The following PLA2G4E variants were observed in gnomAD, a reference collection of about 807,000 sequenced individuals.
PLA2G4E encodes the protein cytosolic phospholipase A2 epsilon.
A neutral mutation model predicts 109.1 loss-of-function variants in PLA2G4E; 84 were observed. The ratio of observed to expected loss-of-function variants is 0.77; its 90% CI spans 0.65 to 0.92. The LOEUF (loss-of-function observed/expected upper bound fraction) is 0.92, where lower values mean the gene tolerates loss of function less well. PLA2G4E is among the 40% of genes least tolerant of loss of function. The pLI, the probability that PLA2G4E is intolerant of heterozygous loss-of-function variation, is 0.00. For synonymous variants in PLA2G4E, 469 were observed against 436.1 expected (o/e 1.08, Z -0.94); for missense variants, 1,057 against 1,076.6 (o/e 0.98, Z 0.25).
In PLA2G4E at chr15:41,984,418, A is replaced by G. The variant is rs551456441; in HGVS notation, c.2386+18T>C. On this transcript the variant is annotated intron_variant, in intron 19 of 19. Transcript: ENST00000399518. ...CAAGGGCAGCAGGTGCTGGGAACTG[A>G]GCACAGAGGCAGCTCACCTGGTGCC... 1.2e-6 allele frequency: 2 copies of G among 1,602,792 alleles called. No homozygotes were observed. The highest frequency in any genetic ancestry group is 1.7e-5 in the Admixed American group (1 of 59,612).
chr15:41,989,496 G>T, exon 15 of PLA2G4E: 1 of 1,613,916 alleles, frequency 6.2e-7, no homozygotes, highest in Non-Finnish European at 8.5e-7. Flanking sequence ...AGCTCGGAGG[G>T]GATGAAGGCC....
At chr15:41,993,021 C>G in intron 12 of PLA2G4E, 62 bp from the exon 13 acceptor site, 1 of 1,448,226 alleles carries the variant, frequency 6.9e-7, no homozygotes, top group Non-Finnish European at 9.4e-7. Flanking sequence ...AGTCCTGGAC[C>G]CGGGCAGGAG....
At chr15:41,990,275 A>G in intron 13 of PLA2G4E, 40 bp from the exon 14 acceptor site, 1 of 1,573,320 alleles carries the variant, frequency 6.4e-7, no homozygotes, top group Non-Finnish European at 8.7e-7. Flanking sequence ...GCAGCAGCCC[A>G]GAGGGTGAGG....
At chr15:42,001,678 T>C (rs1413464139) in intron 6 of PLA2G4E, among the ~76,000 whole-genome samples, 1 of 152,172 alleles carries the variant, frequency 6.6e-6, no homozygotes, top group African/African-American at 2.4e-5. Flanking sequence ...AAAATAGCTG[T>C]ACCAACAGCC....
intron 1 of PLA2G4E, among the ~76,000 whole-genome samples, chr15:42,046,226 T>C (rs540242793): frequency 2.0e-5 from 3 of 152,330 alleles, no homozygotes; most frequent in Admixed American, 6.5e-5. Flanking sequence ...GACAAAGTGA[T>C]GCAGGTAAAA....
Position 41,997,287 on chromosome 15 carries a change from G to A in PLA2G4E, c.975-28C>T, listed in dbSNP as rs574880508. ...GGAGGGAGAGAGGACCCTGTATTGG[G>A]CCTGCAGCCTCTACCTCCCTGGAGT... On this transcript the variant is annotated intron_variant, in intron 10 of 19. Coordinates refer to ENST00000399518, the Ensembl canonical transcript of PLA2G4E. 171 of 1,515,084 alleles carry A rather than the reference G, an allele frequency of 1.1e-4. No individual in the cohort carries two copies. The African/African-American group carries it at 2.0e-3, about 18-fold the overall frequency. The allele number at this position is 1,515,084 out of a possible 1,614,324, so 93.9% of individuals were successfully genotyped here.
At chr15:42,016,313 G>C (rs867414298) in intron 1 of PLA2G4E, among the ~76,000 whole-genome samples, 1 of 144,578 alleles carries the variant, frequency 6.9e-6, no homozygotes, top group South Asian at 2.2e-4. Flanking sequence ...TTTGATGCTG[G>C]TCCTTTCAGA....
chr15:42,002,625 G>T, intron 6 of PLA2G4E, 29 bp downstream of exon 6: 1 of 1,569,364 alleles, frequency 6.4e-7, no homozygotes. Flanking sequence ...GTGGCCTCTG[G>T]AGCTACAGGA....
chr15:41,997,278 C>A lies in PLA2G4E; in HGVS notation c.975-19G>T, dbSNP rs538320435. ...CTCAGGGCTGGAGGGAGAGAGGACC[C>A]TGTATTGGGCCTGCAGCCTCTACCT... is the stretch of plus-strand genomic sequence containing the variant. On this transcript the variant is annotated intron_variant, in intron 10 of 19. Coordinates refer to ENST00000399518, the Ensembl canonical transcript of PLA2G4E. 1.1e-4 allele frequency: 169 copies of A among 1,529,954 alleles called. No homozygotes were observed. In the African/African-American group the frequency reaches 2.0e-3, roughly 18 times the overall value. The allele number at this position is 1,529,954 out of a possible 1,614,324, so 94.8% of individuals were successfully genotyped here. A position where few individuals can be genotyped will look rare whatever the true frequency, so the allele number is the denominator to read the frequency against.
chr15:41,995,390 C>A (rs1266624371), exon 12 of PLA2G4E: 1 of 1,613,664 alleles, frequency 6.2e-7, no homozygotes, highest in Non-Finnish European at 8.5e-7. Context: ...GGTGATGTAG[C>A]TGGCACAGTC....
intron 12 of PLA2G4E, among the ~76,000 whole-genome samples, chr15:41,994,307 G>GA (rs202177407): frequency 6.6e-6 from 1 of 151,846 alleles, no homozygotes; most frequent in Non-Finnish European, 1.5e-5. Context: ...GCCCCCCGGG[G>GA]GGGTGTGTGG....
intron 1 of PLA2G4E, among the ~76,000 whole-genome samples, chr15:42,047,069 A>T (rs1889429108): frequency 6.6e-6 from 1 of 152,220 alleles, no homozygotes; most frequent in Non-Finnish European, 1.5e-5. Context: ...TGAGTGTCTC[A>T]GTCCATTTTA....
chr15:42,040,232 C>T (rs1354838218), intron 1 of PLA2G4E, among the ~76,000 whole-genome samples: 2 of 151,996 alleles, frequency 1.3e-5, no homozygotes, highest in South Asian at 2.1e-4. Context: ...ACACACACTA[C>T]AGTATTTAAG....
At chr15:42,004,358 G>C (rs1566841571) in intron 5 of PLA2G4E, among the ~76,000 whole-genome samples, 1 of 150,424 alleles carries the variant, frequency 6.6e-6, no homozygotes, top group Non-Finnish European at 1.5e-5. Flanking sequence ...GAGAGAGGGA[G>C]AGAGGGAGAA....
At chr15:42,037,419 T>C (rs762698875) in intron 1 of PLA2G4E, among the ~76,000 whole-genome samples, 1 of 152,318 alleles carries the variant, frequency 6.6e-6, no homozygotes, top group Non-Finnish European at 1.5e-5. Flanking sequence ...GCCTCCTCTC[T>C]GCTAGGAGTT....
At position 42,042,224 on chromosome 15, in the gene PLA2G4E, C is replaced by G. The variant is rs1889327370; in HGVS notation, c.183+8297G>C. 1.3e-5 allele frequency among the ~76,000 whole-genome samples: 2 copies of G among 151,952 alleles called. 1 individual carries two copies. Among genetic ancestry groups the G allele is most frequent in the South Asian group, 4.1e-4 (2 of 4,824 alleles). On this transcript the variant is annotated intron_variant, in intron 1 of 19. Coordinates refer to ENST00000399518, the Ensembl canonical transcript of PLA2G4E. ...ACTATTCACTGATATGTAGAAATGA[C>G]AAGTTTTACAATACGAGCTTAATTT... is the stretch of plus-strand genomic sequence containing the variant.
chr15:41,990,121 C>T, exon 14 of PLA2G4E: 1 of 1,612,256 alleles, frequency 6.2e-7, no homozygotes, highest in Non-Finnish European at 8.5e-7. Context: ...CTGGTGTTAC[C>T]TCTGAAGTCC....
In PLA2G4E at chr15:42,004,881, C is replaced by T. The variant is rs1483888063; in HGVS notation, c.566+57G>A. 9.4e-6 allele frequency: 15 copies of T among 1,596,896 alleles called. No homozygotes were observed. The Admixed American group carries it at 2.5e-4, about 27-fold the overall frequency. On this transcript the variant is annotated intron_variant, in intron 5 of 19. Coordinates refer to ENST00000399518, the Ensembl canonical transcript of PLA2G4E. ...CGACCTGCCTCTGAAATGCTCGTTC[C>T]CAGAAGCTACTTGATGGCCAGGACC... is the stretch of plus-strand genomic sequence containing the variant.
chr15:41,985,565 G>A (rs2068126722), intron 18 of PLA2G4E, among the ~76,000 whole-genome samples: 1 of 152,248 alleles, frequency 6.6e-6, no homozygotes, highest in Admixed American at 6.5e-5. Context: ...TTTTGTAGCT[G>A]AAGAATTGCC....
Sources: gnomAD v4.1 joint callset for allele counts (sites outside exome capture counted in the v4.1 genomes callset) on GRCh38, gnomAD v4.1.1 for gene constraint, MANE v1.5 for transcripts, NCBI Gene and HGNC (gene_info 2026-07-23, HGNC 2026-07-21) for gene names.